Variants in PTPRG observed in about 807,000 individuals in gnomAD.
PTPRG encodes protein tyrosine phosphatase receptor type G.
A neutral mutation model predicts 165.3 loss-of-function variants in PTPRG; 102 were observed. That is an observed-to-expected ratio of 0.62 (90% confidence interval 0.53 to 0.73). PTPRG has a LOEUF of 0.73. Among genes scored for constraint, PTPRG ranks in the 30% least tolerant of loss-of-function variants. The probability of loss-of-function intolerance (pLI) is 0.00; values close to 1 mark genes in which losing one functional copy is unlikely to be tolerated. For missense variants in PTPRG, 1,866 were observed against 1,861.4 expected (o/e 1.00, Z -0.05); for synonymous variants, 675 against 669.5 (o/e 1.01, Z -0.13).
intron 17 of PTPRG, among the ~76,000 whole-genome samples, chr3:62,265,230 G>T (rs926653405): frequency 6.6e-6 from 1 of 152,072 alleles, no homozygotes; most frequent in African/African-American, 2.4e-5. Context: ...TTCTCATTCT[G>T]TGCATTGTCT....
chr3:62,185,843 A>G (rs181446376), intron 8 of PTPRG, among the ~76,000 whole-genome samples: 2 of 152,278 alleles, frequency 1.3e-5, no homozygotes, highest in Non-Finnish European at 2.9e-5. Context: ...GAGGAAGATA[A>G]TTGCTAGACC....
intron 2 of PTPRG, among the ~76,000 whole-genome samples, chr3:61,952,468 ACT>A (rs1374373207): frequency 6.6e-6 from 1 of 151,984 alleles, no homozygotes; most frequent in African/African-American, 2.4e-5. Flanking sequence ...TTCTCTTCTC[ACT>A]CTGTACACGG....
At chr3:61,773,931 C>T (rs897049396) in intron 2 of PTPRG, among the ~76,000 whole-genome samples, 8 of 151,852 alleles carry the variant, frequency 5.3e-5, no homozygotes, top group East Asian at 1.9e-4. Flanking sequence ...TGCACCACCA[C>T]GCGTGGCTAA....
In PTPRG at chr3:61,562,509, G is replaced by A. The variant is rs576583531; in HGVS notation, c.85+137G>A. The A allele has an allele frequency of 1.3e-4, 91 of 712,360 alleles. No individual in the cohort carries two copies. The South Asian group carries it at 1.4e-3, about 11-fold the overall frequency. 44.1% of individuals were successfully genotyped at this position (712,360 alleles called of 1,614,324 possible). On this transcript the variant is annotated intron_variant, in intron 1 of 29. Transcript: ENST00000474889. The stretch of plus-strand genomic sequence containing the variant: ...GGAGGGTGGCCCGGCGCCCGGATAG[G>A]AGAAAAGGATTGCTCCGCTGGCTTG...
intron 6 of PTPRG, among the ~76,000 whole-genome samples, chr3:62,156,590 G>C (rs1704545795): frequency 6.6e-6 from 1 of 152,084 alleles, no homozygotes; most frequent in Non-Finnish European, 1.5e-5. Context: ...GTGACTTACA[G>C]TTTTCTTTTC....
At chr3:61,571,627 G>T (rs1700058876) in intron 1 of PTPRG, among the ~76,000 whole-genome samples, 1 of 152,098 alleles carries the variant, frequency 6.6e-6, no homozygotes, top group Non-Finnish European at 1.5e-5. Flanking sequence ...TGAATTTGTT[G>T]GTGGTGAGTT....
chr3:61,953,446 A>G (rs762765880), intron 2 of PTPRG, among the ~76,000 whole-genome samples: 13 of 152,254 alleles, frequency 8.5e-5, no homozygotes, highest in Admixed American at 2.0e-4. Context: ...CAGGTCCCCT[A>G]GTATCAGTGC....
intron 8 of PTPRG, among the ~76,000 whole-genome samples, chr3:62,182,515 C>A (rs1214182852): frequency 6.6e-6 from 1 of 152,204 alleles, no homozygotes; most frequent in Admixed American, 6.5e-5. Context: ...TACGGAGATT[C>A]TGTTGTTGAT....
At chr3:61,709,375 C>T (rs1043275313) in intron 1 of PTPRG, among the ~76,000 whole-genome samples, 9 of 151,882 alleles carry the variant, frequency 5.9e-5, no homozygotes, top group African/African-American at 1.2e-4. Flanking sequence ...AGTGCAGTGG[C>T]GCAATCTCAG....
chr3:61,967,604 T>C (rs2040299684), intron 2 of PTPRG, among the ~76,000 whole-genome samples: 1 of 152,214 alleles, frequency 6.6e-6, no homozygotes, highest in African/African-American at 2.4e-5. Context: ...AGAAAAGGGC[T>C]AATGGCATAA....
chr3:62,207,927 C>T (rs897340779), intron 12 of PTPRG, among the ~76,000 whole-genome samples: 1 of 152,178 alleles, frequency 6.6e-6, no homozygotes, highest in Non-Finnish European at 1.5e-5. Flanking sequence ...CCATCTCACT[C>T]AGCTCCAACA....
At chr3:61,592,843 TG>T (rs1700606361) in intron 1 of PTPRG, among the ~76,000 whole-genome samples, 1 of 152,144 alleles carries the variant, frequency 6.6e-6, no homozygotes, top group Admixed American at 6.5e-5. Context: ...ATAAAAGCCG[TG>T]GGGCTGACCC....
intron 1 of PTPRG, among the ~76,000 whole-genome samples, chr3:61,656,537 G>C (rs924921997): frequency 1.3e-5 from 2 of 152,178 alleles, no homozygotes; most frequent in East Asian, 1.9e-4. Context: ...TGGTACCACT[G>C]CAAATCATTC....
At position 61,694,026 on chromosome 3, in the gene PTPRG, AGAG is replaced by A. The variant is rs375927173; in HGVS notation, c.86-54851_86-54849del. 2.1e-3 allele frequency among the ~76,000 whole-genome samples: 234 copies of A among 112,900 alleles called. 1 individual carries two copies. The highest frequency in any genetic ancestry group is 0.019 in the East Asian group (65 of 3,450). The allele number at this position is 112,900 out of a possible 152,430, so 74.1% of individuals were successfully genotyped here. A position where few individuals can be genotyped will look rare whatever the true frequency, so the allele number is the denominator to read the frequency against. On this transcript the variant is annotated intron_variant, in intron 1 of 29. Coordinates refer to ENST00000474889, the MANE Select transcript of PTPRG (RefSeq NM_002841.4). ...CCATCTCCAAAAAAAAAAAAAAAAA[AGAG>A]AGAGAGAGAGAGAGGGAAGCAAGGC...
rs58370905 is a variant in PTPRG, at chr3:61,660,669, C to T, written c.86-88209C>T. 6.9e-3 allele frequency among the ~76,000 whole-genome samples: 1,051 copies of T among 152,172 alleles called. 9 individuals are homozygous for T. The highest frequency in any genetic ancestry group is 0.023 in the African/African-American group (955 of 41,506). On this transcript the variant is annotated intron_variant, in intron 1 of 29. Coordinates refer to ENST00000474889, the MANE Select transcript of PTPRG (RefSeq NM_002841.4). ...GAACAGCACGTGGTTCAGTATAACA[C>T]GGCGTCTACGGGTTGACAATGATAA...
At chr3:61,886,912 C>CTT (rs780604752) in intron 2 of PTPRG, among the ~76,000 whole-genome samples, 7 of 138,538 alleles carry the variant, frequency 5.1e-5, no homozygotes, top group African/African-American at 1.9e-4. Context: ...GAGGACTGGA[C>CTT]TTTTTTTTTT....
intron 2 of PTPRG, among the ~76,000 whole-genome samples, chr3:61,879,485 G>A (rs769056946): frequency 5.3e-5 from 8 of 151,820 alleles, no homozygotes; most frequent in Non-Finnish European, 7.4e-5. Flanking sequence ...TTTTTTAAAC[G>A]AAATTGTTTT....
At chr3:62,116,658 G>C (rs1270136966) in intron 5 of PTPRG, among the ~76,000 whole-genome samples, 1 of 152,116 alleles carries the variant, frequency 6.6e-6, no homozygotes, top group Non-Finnish European at 1.5e-5. Flanking sequence ...GGAAATTTTT[G>C]TCTTCATCTG....
intron 13 of PTPRG, among the ~76,000 whole-genome samples, chr3:62,225,610 T>C (rs1428770389): frequency 1.3e-5 from 2 of 151,990 alleles, no homozygotes; most frequent in African/African-American, 4.8e-5. Flanking sequence ...AATGGCTTTG[T>C]ATATCTGAAA....
Sources: gnomAD v4.1 joint callset for allele counts (sites outside exome capture counted in the v4.1 genomes callset) on GRCh38, gnomAD v4.1.1 for gene constraint, MANE v1.5 for transcripts, NCBI Gene and HGNC (gene_info 2026-07-23, HGNC 2026-07-21) for gene names.